The following RIMS1 variants were observed in gnomAD, a reference collection of about 807,000 sequenced individuals.
RIMS1 encodes regulating synaptic membrane exocytosis protein 1.
A neutral mutation model predicts 214.1 loss-of-function variants in RIMS1; 83 were observed. The ratio of observed to expected loss-of-function variants is 0.39; its 90% CI spans 0.32 to 0.47. The LOEUF is 0.47. Ranked by LOEUF, RIMS1 falls within the 20% of genes least tolerant of loss-of-function variation. RIMS1 has a pLI of 0.99. For missense variants in RIMS1, 2,050 were observed against 2,161.8 expected, an observed-to-expected ratio of 0.95 and a Z score of 1.03; for synonymous variants, 793 against 786.8, an observed-to-expected ratio of 1.01 and a Z score of -0.13.
rs2098841220 is a variant in RIMS1 at position 72,402,546 on chromosome 6, T to A, written c.*1832T>A. ...CCTGCACCAAGTGAATTATTTATTA[T>A]TATTTACACATGCCAGAATTATCTG... On this transcript the variant is annotated 3_prime_UTR_variant, in exon 34 of 34. Transcript: ENST00000521978. 6.5e-5 allele frequency: 10 copies of A among 152,726 alleles called. 1 individual carries two copies. In the South Asian group the frequency reaches 2.1e-3, roughly 32 times the overall value. The allele number at this position is 152,726 out of a possible 1,614,324, so 9.5% of individuals were successfully genotyped here.
chr6:72,007,634 C>A (rs1022899115), intron 2 of RIMS1, among the ~76,000 whole-genome samples: 1 of 152,140 alleles, frequency 6.6e-6, no homozygotes. Context: ...CTTAAAGGAC[C>A]TGATGGAGCT....
chr6:72,343,817 G>T (rs941843926), intron 29 of RIMS1, among the ~76,000 whole-genome samples: 4 of 151,646 alleles, frequency 2.6e-5, no homozygotes, highest in South Asian at 4.1e-4. Context: ...GTTTTAGGTA[G>T]ATTTATAGAT....
chr6:72,232,109 C>G (rs1438590361), intron 6 of RIMS1, among the ~76,000 whole-genome samples: 3 of 151,446 alleles, frequency 2.0e-5, no homozygotes, highest in African/African-American at 7.3e-5. Flanking sequence ...AATTAATGAT[C>G]AATTTTTCTT....
chr6:72,072,864 A>G (rs746181567), intron 2 of RIMS1, among the ~76,000 whole-genome samples: 2 of 152,222 alleles, frequency 1.3e-5, no homozygotes, highest in African/African-American at 2.4e-5. Flanking sequence ...ACAAATATTT[A>G]TTGAACTTCT....
intron 9 of RIMS1, among the ~76,000 whole-genome samples, chr6:72,240,431 A>G (rs964245447): frequency 6.6e-6 from 1 of 150,828 alleles, no homozygotes; most frequent in Non-Finnish European, 1.5e-5. Flanking sequence ...AAATCAGGGT[A>G]AGTATTGTTT....
intron 2 of RIMS1, among the ~76,000 whole-genome samples, chr6:71,985,800 GC>G (rs1799771320): frequency 1.3e-5 from 2 of 152,054 alleles, no homozygotes; most frequent in Non-Finnish European, 2.9e-5. Flanking sequence ...TGCCTGGAGT[GC>G]CCCTCGCTAT....
At chr6:72,254,585 G>C (rs183164082) in intron 16 of RIMS1, among the ~76,000 whole-genome samples, 1 of 152,134 alleles carries the variant, frequency 6.6e-6, no homozygotes, top group African/African-American at 2.4e-5. Context: ...TCGGTGAGTG[G>C]TTCCCAAATT....
At chr6:72,120,843 G>C (rs1037000751) in intron 4 of RIMS1, among the ~76,000 whole-genome samples, 1 of 151,898 alleles carries the variant, frequency 6.6e-6, no homozygotes, top group African/African-American at 2.4e-5. Flanking sequence ...GTTTAAGGAA[G>C]GGATGCAGTT....
rs150646878 is a variant in RIMS1, at chr6:72,372,261, C to T, written c.4367-18337C>T. Reference sequence around the variant, plus strand: ...AAAGGAAAATAAAAGGTAAAAGTATCTCATTCAACAATTGAGATTGAAGAT... The same window carrying T: ...AAAGGAAAATAAAAGGTAAAAGTATTTCATTCAACAATTGAGATTGAAGAT... On this transcript the variant is annotated intron_variant, in intron 29 of 33. Transcript: ENST00000521978. 4.2e-3 allele frequency among the ~76,000 whole-genome samples: 640 copies of T among 152,268 alleles called. 5 individuals are homozygous for T. Among genetic ancestry groups the T allele is most frequent in the African/African-American group, 0.013 (545 of 41,556 alleles).
intron 4 of RIMS1, among the ~76,000 whole-genome samples, chr6:72,132,938 T>TA (rs1338522509): frequency 6.6e-6 from 1 of 152,144 alleles, no homozygotes; most frequent in Non-Finnish European, 1.5e-5. Context: ...TATATGTGTG[T>TA]AAAATATCCA....
intron 1 of RIMS1, among the ~76,000 whole-genome samples, chr6:71,929,571 C>G (rs1488083599): frequency 6.6e-6 from 1 of 151,798 alleles, no homozygotes; most frequent in African/African-American, 2.4e-5. Flanking sequence ...TGTATTTAGG[C>G]AGGAAACTAT....
intron 1 of RIMS1, among the ~76,000 whole-genome samples, chr6:71,965,683 C>G (rs1794248831): frequency 6.6e-6 from 1 of 152,174 alleles, no homozygotes; most frequent in South Asian, 2.1e-4. Context: ...TTCAGTGATG[C>G]TTCAGTGATG....
chr6:72,056,327 T>C (rs564250975), intron 2 of RIMS1, among the ~76,000 whole-genome samples: 2 of 152,276 alleles, frequency 1.3e-5, no homozygotes, highest in Non-Finnish European at 2.9e-5. Flanking sequence ...GCTTATTACC[T>C]GGGTGACAAA....
At chr6:72,378,860 A>G (rs1299198583) in intron 29 of RIMS1, among the ~76,000 whole-genome samples, 1 of 152,180 alleles carries the variant, frequency 6.6e-6, no homozygotes, top group African/African-American at 2.4e-5. Context: ...AAAGAAAAAG[A>G]AAAGGACACC....
intron 24 of RIMS1, 70 bp downstream of exon 24, chr6:72,284,188 A>G: frequency 7.8e-7 from 1 of 1,281,470 alleles, no homozygotes; most frequent in Non-Finnish European, 1.1e-6. Context: ...TGTCACTCTC[A>G]TTTTACATGA....
chr6:72,023,837 T>C (rs1449366489), intron 2 of RIMS1, among the ~76,000 whole-genome samples: 1 of 152,194 alleles, frequency 6.6e-6, no homozygotes, highest in African/African-American at 2.4e-5. Context: ...CATAGAGATA[T>C]TTAAATAAAT....
chr6:72,306,798 T>A (rs2095213063), intron 26 of RIMS1, among the ~76,000 whole-genome samples: 1 of 152,148 alleles, frequency 6.6e-6, no homozygotes, highest in East Asian at 1.9e-4. Flanking sequence ...ATTAAAACAA[T>A]TTTTAGGTGA....
At chr6:72,139,636 G>A (rs1407855048) in intron 4 of RIMS1, among the ~76,000 whole-genome samples, 1 of 152,098 alleles carries the variant, frequency 6.6e-6, no homozygotes, top group Non-Finnish European at 1.5e-5. Context: ...TATATTAAAT[G>A]TTATGTGGAT....
rs1479847144 is a variant in RIMS1 at position 72,390,723 on chromosome 6, A to G, written c.4492A>G (p.Ser1498Gly). 2 of 1,613,768 alleles carry G rather than the reference A, an allele frequency of 1.2e-6. No individual in the cohort carries two copies. Among genetic ancestry groups the G allele is most frequent in the African/African-American group, 1.3e-5 (1 of 74,930 alleles). Residue 1498 changes from serine to glycine, a missense_variant, in exon 30 of 34, where the codon AGC becomes GGC. Around this residue, in one of 6 missense-constraint regions of RIMS1, gnomAD observed 121 missense variants for 187.3 expected, o/e 0.65. Transcript: ENST00000521978. ...TACTGATGGCAGCATCAACAGTTACAGCTCTGAGGGCAAGTAAGTGCTGTC... is the reference window on the plus strand; with the variant it reads ...TACTGATGGCAGCATCAACAGTTACGGCTCTGAGGGCAAGTAAGTGCTGTC... ...ESTDGSINSY[S>G]SEGNLIFPGV...
Sources: allele counts gnomAD v4.1 joint callset (sites outside exome capture counted in the v4.1 genomes callset), GRCh38; gene constraint gnomAD v4.1.1; regional missense constraint gnomAD v4.1.1; transcripts MANE v1.5; gene names NCBI Gene and HGNC (gene_info 2026-07-23, HGNC 2026-07-21).